Variants in PXK observed in about 807,000 individuals in gnomAD.
PXK encodes PX domain containing serine/threonine kinase like, also known as PX domain-containing protein kinase-like protein.
In PXK, 35 loss-of-function variants were observed where a neutral mutation model predicts 84.7. That is an observed-to-expected ratio of 0.41 (90% CI 0.32 to 0.55). The LOEUF (loss-of-function observed/expected upper bound fraction) is 0.55. Ranked by LOEUF, PXK falls within the 20% of genes least tolerant of loss-of-function variation. The probability of loss-of-function intolerance (pLI) is 0.21; values close to 1 mark genes in which losing one functional copy is unlikely to be tolerated. For missense variants in PXK, 634 were observed against 699.7 expected, an observed-to-expected ratio of 0.91 and a Z score of 1.06; for synonymous variants, 253 against 260.8, an observed-to-expected ratio of 0.97 and a Z score of 0.29.
Position 58,412,891 on chromosome 3 carries a change from T to C in PXK, c.1466-10T>C. The C allele has an allele frequency of 6.2e-7, 1 of 1,614,150 alleles. No homozygotes were observed. Among genetic ancestry groups the C allele is most frequent in the Non-Finnish European group, 8.5e-7 (1 of 1,180,006 alleles). Reference sequence around the variant, plus strand: ...GGTCCCCATGAGGGTTTCTCTGTGTTTTATCTTAGCAGGATCTGGGGCCAG... The same window carrying C: ...GGTCCCCATGAGGGTTTCTCTGTGTCTTATCTTAGCAGGATCTGGGGCCAG... On this transcript the variant is annotated splice_polypyrimidine_tract_variant and intron_variant, in intron 16 of 17. Transcript: ENST00000356151. The surrounding 1 kb of genome is among the most constrained non-coding windows in gnomAD (Gnocchi z 6.2).
Position 58,397,254 on chromosome 3 carries a change from C to G in PXK, c.984+54C>G. 3.2e-6 allele frequency: 5 copies of G among 1,562,170 alleles called. No individual in the cohort carries two copies. The South Asian group carries it at 5.6e-5, about 18-fold the overall frequency. On this transcript the variant is annotated intron_variant, in intron 10 of 17. Transcript: ENST00000356151. This position sits in a 1 kb window ranked among gnomAD's most constrained non-coding sequence, Gnocchi z 4.7. ...GTTCATTTTTAGGTGTCAGTTATCC[C>G]CATGATCTGCCCATGTAGGAAATAT...
intron 1 of PXK, among the ~76,000 whole-genome samples, chr3:58,350,759 C>G (rs1272899839): frequency 1.3e-5 from 2 of 152,160 alleles, no homozygotes; most frequent in Non-Finnish European, 2.9e-5. Flanking sequence ...ATAAGCAGAG[C>G]AGTTATACCT....
At position 58,399,226 on chromosome 3, in the gene PXK, T is replaced by G. The variant is rs1369615473; in HGVS notation, c.1103-73T>G. On this transcript the variant is annotated intron_variant, in intron 11 of 17. Transcript: ENST00000356151. The surrounding 1 kb of genome is among the most constrained non-coding windows in gnomAD (Gnocchi z 4.3). Reference sequence around the variant, plus strand: ...CGCAGACAGTTATTGCAAAGTGGTGTTAAACTTTTCATCAGCAAGTGGATT... The same window carrying G: ...CGCAGACAGTTATTGCAAAGTGGTGGTAAACTTTTCATCAGCAAGTGGATT... The G allele has an allele frequency of 7.3e-7, 1 of 1,365,336 alleles. No homozygotes were observed. Among genetic ancestry groups the G allele is most frequent in the African/African-American group, 1.4e-5 (1 of 69,890 alleles). The allele number at this position is 1,365,336 out of a possible 1,614,324, so 84.6% of individuals were successfully genotyped here. A position where few individuals can be genotyped will look rare whatever the true frequency, so the allele number is the denominator to read the frequency against.
intron 4 of PXK, 52 bp downstream of exon 4, chr3:58,382,752 C>T: frequency 7.6e-7 from 1 of 1,313,160 alleles, no homozygotes; most frequent in East Asian, 2.7e-5. Flanking sequence ...AGGCACTGTC[C>T]CTTGCTGGAG....
chr3:58,412,975 A>C lies in PXK; in HGVS notation c.1528+12A>C, dbSNP rs1560124300. 8 of 1,613,820 alleles carry C rather than the reference A, an allele frequency of 5.0e-6. No homozygotes were observed. The highest frequency in any genetic ancestry group is 6.8e-6 in the Non-Finnish European group (8 of 1,179,790). On this transcript the variant is annotated intron_variant, in intron 17 of 17. Transcript: ENST00000356151. The surrounding 1 kb of genome is among the most constrained non-coding windows in gnomAD (Gnocchi z 6.2). ...ACCCTCTACATCAGGTTAGTGATGG[A>C]GTAAAGTGACATGCCACCTTCCTGT...
chr3:58,424,953 TC>T lies in PXK; in HGVS notation c.1731del (p.Ile577MetfsTer34), dbSNP rs762462545. 1 of 1,614,096 alleles carries T rather than the reference TC, an allele frequency of 6.2e-7. No homozygotes were observed. Among genetic ancestry groups the T allele is most frequent in the South Asian group, 1.1e-5 (1 of 91,082 alleles). The part of the protein sequence containing the change: ...AKTCDHSAPK[I>X]G The stretch of plus-strand genomic sequence containing the variant: ...ACCTGTGATCACAGTGCTCCGAAGA[TC>T]GGCTGAAGCTTCCTGTTTACACTTG... On this transcript the variant is annotated frameshift_variant, in exon 18 of 18. Coordinates refer to ENST00000356151, the MANE Select transcript of PXK (RefSeq NM_017771.5). LOFTEE classifies it high-confidence loss of function.
chr3:58,395,791 GATTTCATCCAAA>G, intron 9 of PXK, 32 bp downstream of exon 9: 2 of 1,536,358 alleles, frequency 1.3e-6, no homozygotes, highest in Non-Finnish European at 1.8e-6. Context: ...GTTGCATTCA[GATTTCATCCAAA>G]ATTGCATTAT....
chr3:58,347,121 G>GCA (rs2097839681), intron 1 of PXK, among the ~76,000 whole-genome samples: 1 of 152,100 alleles, frequency 6.6e-6, no homozygotes, highest in Non-Finnish European at 1.5e-5. Flanking sequence ...GATTACAGTT[G>GCA]TGAGCTACCG....
At chr3:58,392,642 G>A (rs920531085) in intron 7 of PXK, among the ~76,000 whole-genome samples, 2 of 149,564 alleles carry the variant, frequency 1.3e-5, no homozygotes, top group Admixed American at 6.8e-5. Context: ...GACATAGGCT[G>A]TCAGGACCTA....
chr3:58,360,098 T>A (rs2098156391), intron 1 of PXK, among the ~76,000 whole-genome samples: 1 of 152,176 alleles, frequency 6.6e-6, no homozygotes, highest in African/African-American at 2.4e-5. Flanking sequence ...CATGCCATTG[T>A]ACTCTAGCGT....
At chr3:58,423,065 T>G (rs13317400) in intron 17 of PXK, 82,967 of 984,750 alleles carry the variant, frequency 0.084, 3,699 homozygotes, top group Middle Eastern at 0.11. Context: ...AGCTCACTCC[T>G]TCGGGCCCAC....
At chr3:58,392,545 T>C (rs539511000) in intron 7 of PXK, among the ~76,000 whole-genome samples, 7 of 152,174 alleles carry the variant, frequency 4.6e-5, no homozygotes, top group Non-Finnish European at 1.0e-4. Context: ...CCATATAGTG[T>C]CTTGTCAAGC....
chr3:58,369,597 G>C (rs559995138), intron 3 of PXK, 119 bp downstream of exon 3: 4 of 714,030 alleles, frequency 5.6e-6, no homozygotes, highest in Middle Eastern at 3.0e-4. Context: ...AGGCCAATGC[G>C]GGTGGATCAC....
chr3:58,389,133 A>G (rs1166755293), intron 4 of PXK, among the ~76,000 whole-genome samples: 3 of 152,140 alleles, frequency 2.0e-5, no homozygotes, highest in Non-Finnish European at 4.4e-5. Flanking sequence ...AAAGGGGGAA[A>G]CATTTTCATG....
chr3:58,332,974 G>A lies in PXK; in HGVS notation c.-15G>A. Reference sequence around the variant, plus strand: ...TACCTCGCGTCCCTAGGCGGCGGCGGCCGGGCGTCCCGGGATGGCCTTCAT... The same window carrying A: ...TACCTCGCGTCCCTAGGCGGCGGCGACCGGGCGTCCCGGGATGGCCTTCAT... On this transcript the variant is annotated 5_prime_UTR_variant, in exon 1 of 18. Coordinates refer to ENST00000356151, the MANE Select transcript of PXK (RefSeq NM_017771.5). The surrounding 1 kb of genome is among the most constrained non-coding windows in gnomAD (Gnocchi z 5.6). 5 of 1,351,302 alleles carry A rather than the reference G, an allele frequency of 3.7e-6. No individual in the cohort carries two copies. Among genetic ancestry groups the A allele is most frequent in the South Asian group, 2.9e-5 (2 of 68,562 alleles). 83.7% of individuals were successfully genotyped at this position (1,351,302 alleles called of 1,614,324 possible).
At chr3:58,371,843 T>C (rs982099379) in intron 3 of PXK, among the ~76,000 whole-genome samples, 2 of 152,118 alleles carry the variant, frequency 1.3e-5, no homozygotes, top group Non-Finnish European at 2.9e-5. Flanking sequence ...AGTGGGAGGT[T>C]TTTCTGGATT....
intron 1 of PXK, among the ~76,000 whole-genome samples, chr3:58,336,986 T>C (rs545686371): frequency 1.3e-5 from 2 of 152,240 alleles, no homozygotes; most frequent in East Asian, 1.9e-4. Flanking sequence ...ATTTTTGTAT[T>C]TTTAGTAGAG....
At chr3:58,354,596 A>G (rs998760203) in intron 1 of PXK, among the ~76,000 whole-genome samples, 1 of 151,674 alleles carries the variant, frequency 6.6e-6, no homozygotes, top group Non-Finnish European at 1.5e-5. Flanking sequence ...ACAGGCGCCC[A>G]CCATCGTGCC....
At chr3:58,375,364 C>T (rs1226159661) in intron 3 of PXK, among the ~76,000 whole-genome samples, 2 of 152,062 alleles carry the variant, frequency 1.3e-5, no homozygotes, top group Non-Finnish European at 2.9e-5. Context: ...AGTAAATGAG[C>T]ACTGTAAACA....
Sources: allele counts gnomAD v4.1 joint callset (sites outside exome capture counted in the v4.1 genomes callset), GRCh38; gene constraint gnomAD v4.1.1; non-coding constraint Gnocchi (gnomAD v3.1); transcripts MANE v1.5; gene names NCBI Gene and HGNC (gene_info 2026-07-23, HGNC 2026-07-21).